The following ITFG1 variants were observed in gnomAD, a reference collection of about 807,000 sequenced individuals.
The protein encoded by ITFG1 is integrin alpha FG-GAP repeat containing 1.
A neutral mutation model predicts 81.8 loss-of-function variants in ITFG1; 34 were observed. The observed-to-expected ratio is 0.42, with a 90% confidence interval of 0.32 to 0.55. The LOEUF (loss-of-function observed/expected upper bound fraction) is 0.55. Ranked by LOEUF, ITFG1 falls within the 20% of genes least tolerant of loss-of-function variation. The probability of loss-of-function intolerance (pLI) is 0.17; values close to 1 mark genes in which losing one functional copy is unlikely to be tolerated. For missense variants in ITFG1, 672 were observed against 755.4 expected, an observed-to-expected ratio of 0.89 and a Z score of 1.29; for synonymous variants, 285 against 270.6, an observed-to-expected ratio of 1.05 and a Z score of -0.52.
At chr16:47,446,399 G>A (rs1373364566) in intron 5 of ITFG1, among the ~76,000 whole-genome samples, 3 of 152,128 alleles carry the variant, frequency 2.0e-5, no homozygotes, top group South Asian at 4.1e-4. Flanking sequence ...GAGAAAATAC[G>A]AAGATTTCTT....
chr16:47,355,851 TG>T (rs112240353), intron 8 of ITFG1, among the ~76,000 whole-genome samples: 14,616 of 152,096 alleles, frequency 0.096, 1,433 homozygotes, highest in African/African-American at 0.25. Context: ...ATGGATGACT[TG>T]GGAGAGTGGT....
intron 5 of ITFG1, chr16:47,450,522 T>C (rs959332749): frequency 3.1e-6 from 1 of 322,570 alleles, no homozygotes; most frequent in Non-Finnish European, 5.9e-6. Flanking sequence ...ATTTTCACAA[T>C]TTACTCCTCT....
chr16:47,210,078 G>A (rs1298623544), intron 14 of ITFG1, among the ~76,000 whole-genome samples: 1 of 152,164 alleles, frequency 6.6e-6, no homozygotes, highest in Non-Finnish European at 1.5e-5. Flanking sequence ...GACTGCAATT[G>A]CTGGGTCATA....
chr16:47,283,926 A>C (rs1966860793), intron 10 of ITFG1, among the ~76,000 whole-genome samples: 1 of 152,252 alleles, frequency 6.6e-6, no homozygotes, highest in Non-Finnish European at 1.5e-5. Flanking sequence ...AAAGACATGC[A>C]GAACTGATAT....
At position 47,461,034 on chromosome 16, in the gene ITFG1, C is replaced by T; in HGVS notation, c.12G>A (p.Ala4=). 1 of 1,541,026 alleles carries T rather than the reference C, an allele frequency of 6.5e-7. No individual in the cohort carries two copies. Among genetic ancestry groups the T allele is most frequent in the East Asian group, 2.4e-5 (1 of 40,820 alleles). ...GGGCCCAGGAGCTCGGGAGCCGGCC[C>T]GCCGCCGCCATGGCAGCCCCTCAGC... MAA[A]GRLPSSWALF... The change falls in exon 1 of 18, where the codon GCG becomes GCA. Residue 4 remains alanine (A), a synonymous_variant. Transcript: ENST00000320640.
chr16:47,178,358 T>A (rs1965055656), intron 14 of ITFG1, among the ~76,000 whole-genome samples: 1 of 152,182 alleles, frequency 6.6e-6, no homozygotes, highest in Non-Finnish European at 1.5e-5. Flanking sequence ...TGTCACTGTA[T>A]AAATGCTCCT....
intron 10 of ITFG1, among the ~76,000 whole-genome samples, chr16:47,308,851 TA>T (rs1206640605): frequency 6.6e-6 from 1 of 152,140 alleles, no homozygotes; most frequent in Non-Finnish European, 1.5e-5. Flanking sequence ...CAGGTTTTGC[TA>T]TCCAGTTTCA....
chr16:47,225,263 TA>T (rs202241491), intron 13 of ITFG1, among the ~76,000 whole-genome samples: 42 of 142,666 alleles, frequency 2.9e-4, no homozygotes, highest in African/African-American at 4.9e-4. Context: ...AAAAAGGGAA[TA>T]AAAAAAAAAT....
intron 14 of ITFG1, among the ~76,000 whole-genome samples, chr16:47,191,108 G>A (rs1965287022): frequency 6.6e-6 from 1 of 152,164 alleles, no homozygotes; most frequent in African/African-American, 2.4e-5. Flanking sequence ...GGGGAGGCAT[G>A]AATTATTGGG....
At chr16:47,301,922 T>C (rs1967082734) in intron 10 of ITFG1, among the ~76,000 whole-genome samples, 1 of 152,092 alleles carries the variant, frequency 6.6e-6, no homozygotes, top group Admixed American at 6.5e-5. Flanking sequence ...CTGGACAAAC[T>C]CAAGACTTGG....
At chr16:47,210,554 T>C (rs1259036857) in intron 14 of ITFG1, among the ~76,000 whole-genome samples, 2 of 152,226 alleles carry the variant, frequency 1.3e-5, no homozygotes, top group Admixed American at 6.5e-5. Context: ...TTTCCTTTAA[T>C]GGATCTTGCT....
intron 7 of ITFG1, among the ~76,000 whole-genome samples, chr16:47,375,137 T>C (rs1042728966): frequency 6.6e-6 from 1 of 152,230 alleles, no homozygotes; most frequent in Non-Finnish European, 1.5e-5. Flanking sequence ...CTGTTTCATT[T>C]GATCTTCATA....
intron 7 of ITFG1, among the ~76,000 whole-genome samples, chr16:47,375,184 CTG>C (rs554441797): frequency 7.3e-4 from 111 of 152,110 alleles, no homozygotes; most frequent in Non-Finnish European, 1.2e-3. Context: ...CGCCCATTTT[CTG>C]TGTGTGGAAA....
intron 5 of ITFG1, among the ~76,000 whole-genome samples, chr16:47,435,037 G>C (rs754181327): frequency 2.0e-5 from 3 of 152,134 alleles, no homozygotes; most frequent in African/African-American, 4.8e-5. Flanking sequence ...GAGAGGCAGA[G>C]GCTTGGAGGG....
intron 14 of ITFG1, among the ~76,000 whole-genome samples, chr16:47,195,802 C>T (rs956657435): frequency 6.6e-6 from 1 of 152,030 alleles, no homozygotes; most frequent in African/African-American, 2.4e-5. Flanking sequence ...AGGTTTGTTA[C>T]ATAGGTATAC....
chr16:47,195,205 T>C (rs1965343128), intron 14 of ITFG1, among the ~76,000 whole-genome samples: 1 of 152,188 alleles, frequency 6.6e-6, no homozygotes, highest in African/African-American at 2.4e-5. Flanking sequence ...TGTAAATGTG[T>C]GGTTGTGTTT....
At chr16:47,290,151 T>C (rs186053723) in intron 10 of ITFG1, among the ~76,000 whole-genome samples, 4 of 152,300 alleles carry the variant, frequency 2.6e-5, no homozygotes, top group Non-Finnish European at 5.9e-5. Flanking sequence ...GGTTACAGAT[T>C]TCTAGTTTTG....
chr16:47,461,218 G>A, upstream of ITFG1: 1 of 972,368 alleles, frequency 1.0e-6, no homozygotes, highest in South Asian at 1.7e-5. Flanking sequence ...AAAAGCAGTG[G>A]AGCTAGGGTG....
chr16:47,396,193 G>A (rs558738004), intron 6 of ITFG1: 10 of 984,508 alleles, frequency 1.0e-5, no homozygotes, highest in African/African-American at 5.2e-5. Flanking sequence ...AAAGTTAATC[G>A]GCTGCAACTC....
Sources: allele counts gnomAD v4.1 joint callset (sites outside exome capture counted in the v4.1 genomes callset), GRCh38; gene constraint gnomAD v4.1.1; transcripts MANE v1.5; gene names NCBI Gene and HGNC (gene_info 2026-07-23, HGNC 2026-07-21).